PPA2: variants seen among roughly 807,000 people sequenced by gnomAD.
PPA2 encodes inorganic pyrophosphatase 2, mitochondrial.
PPA2 carries 48 observed loss-of-function variants against 49.5 expected under a neutral mutation model. That is an observed-to-expected ratio of 0.97 (90% confidence interval 0.77 to 1.23). The LOEUF is 1.23. Ranked by LOEUF, PPA2 falls within the 50% of genes most tolerant of loss-of-function variation. The pLI, the probability that PPA2 is intolerant of heterozygous loss-of-function variation, is 0.00. For synonymous variants in PPA2, 131 were observed against 139.9 expected (o/e 0.94, Z 0.45); for missense variants, 429 against 410.1 (o/e 1.05, Z -0.40).
intron 7 of PPA2, chr4:105,407,115 T>C (rs1006507454): frequency 7.3e-6 from 1 of 137,600 alleles, no homozygotes; most frequent in Non-Finnish European, 1.6e-5. Context: ...AAAAGAAAAT[T>C]CGCCACCAGC....
intron 1 of PPA2, among the ~76,000 whole-genome samples, chr4:105,468,077 TG>T (rs1723379314): frequency 6.6e-6 from 1 of 152,236 alleles, no homozygotes; most frequent in Non-Finnish European, 1.5e-5. Context: ...TCACATGGCC[TG>T]GTTTTATTTT....
At chr4:105,397,207 A>G (rs945138997) in intron 8 of PPA2, among the ~76,000 whole-genome samples, 1 of 152,208 alleles carries the variant, frequency 6.6e-6, no homozygotes, top group Non-Finnish European at 1.5e-5. Flanking sequence ...ATGATAATAA[A>G]GAAACTAAAG....
intron 1 of PPA2, among the ~76,000 whole-genome samples, chr4:105,472,820 A>T (rs992010055): frequency 3.9e-5 from 6 of 152,240 alleles, no homozygotes; most frequent in Non-Finnish European, 8.8e-5. Context: ...AATATCTATA[A>T]TGATTATCGG....
chr4:105,431,299 AT>A (rs910942791), intron 6 of PPA2, among the ~76,000 whole-genome samples: 110 of 152,262 alleles, frequency 7.2e-4, no homozygotes, highest in Admixed American at 1.4e-3. Context: ...GGCTAAAACT[AT>A]TTTTTTAAAT....
intron 7 of PPA2, among the ~76,000 whole-genome samples, chr4:105,420,736 A>T (rs1233399233): frequency 6.6e-6 from 1 of 152,206 alleles, no homozygotes; most frequent in African/African-American, 2.4e-5. Context: ...CAACAATGAA[A>T]AGGGAAAACT....
intron 1 of PPA2, among the ~76,000 whole-genome samples, chr4:105,457,017 A>G (rs144908705): frequency 9.1e-4 from 139 of 152,264 alleles, no homozygotes; most frequent in Non-Finnish European, 1.0e-3. Flanking sequence ...AATATCTACA[A>G]TAGACTAAAA....
intron 6 of PPA2, among the ~76,000 whole-genome samples, chr4:105,437,721 C>T (rs1377319817): frequency 6.6e-6 from 1 of 152,082 alleles, no homozygotes; most frequent in Non-Finnish European, 1.5e-5. Flanking sequence ...ATGGGCATAC[C>T]TGCGTTATTT....
chr4:105,397,382 T>C (rs1734191165), intron 8 of PPA2, among the ~76,000 whole-genome samples: 1 of 152,176 alleles, frequency 6.6e-6, no homozygotes, highest in South Asian at 2.1e-4. Flanking sequence ...TAATACATTA[T>C]CTGATTATGT....
At chr4:105,433,320 T>A (rs1723901727) in intron 6 of PPA2, among the ~76,000 whole-genome samples, 1 of 152,222 alleles carries the variant, frequency 6.6e-6, no homozygotes, top group Non-Finnish European at 1.5e-5. Flanking sequence ...AAACCTCTGA[T>A]TTCTTAACCT....
intron 10 of PPA2, among the ~76,000 whole-genome samples, chr4:105,374,386 CTG>C (rs1351702104): frequency 6.6e-6 from 1 of 152,212 alleles, no homozygotes; most frequent in African/African-American, 2.4e-5. Context: ...CATAGTGAGA[CTG>C]TGTCTTTTAT....
chr4:105,373,539 T>C (rs888473958), intron 10 of PPA2, among the ~76,000 whole-genome samples: 1 of 152,144 alleles, frequency 6.6e-6, no homozygotes, highest in African/African-American at 2.4e-5. Context: ...GCCAAACATT[T>C]CAGAGGAATA....
At chr4:105,452,492 G>A (rs1358492526) in intron 3 of PPA2, among the ~76,000 whole-genome samples, 4 of 152,234 alleles carry the variant, frequency 2.6e-5, no homozygotes, top group South Asian at 2.1e-4. Context: ...ATAGGAGATG[G>A]GGCACGGAAT....
intron 1 of PPA2, among the ~76,000 whole-genome samples, chr4:105,471,894 G>A (rs1404276964): frequency 6.6e-6 from 1 of 152,032 alleles, no homozygotes; most frequent in Non-Finnish European, 1.5e-5. Flanking sequence ...GTAAAATCGG[G>A]TTTTCTTCTT....
chr4:105,382,007 CT>C (rs148415907), intron 10 of PPA2, among the ~76,000 whole-genome samples: 3,089 of 152,042 alleles, frequency 0.02, 49 homozygotes, highest in Middle Eastern at 0.061. Context: ...CTATAATTTT[CT>C]TTAATTTCTG....
chr4:105,401,403 T>A (rs1017835082), intron 7 of PPA2, among the ~76,000 whole-genome samples: 1 of 152,130 alleles, frequency 6.6e-6, no homozygotes, highest in Non-Finnish European at 1.5e-5. Context: ...TTAAAAAATG[T>A]AAGTAAAGAT....
intron 7 of PPA2, among the ~76,000 whole-genome samples, chr4:105,400,887 A>G (rs986764309): frequency 2.6e-5 from 4 of 152,196 alleles, no homozygotes; most frequent in African/African-American, 9.6e-5. Context: ...AAAATTTTAT[A>G]ATGGAAATAA....
chr4:105,420,264 T>C (rs926524737), intron 7 of PPA2, among the ~76,000 whole-genome samples: 10 of 152,140 alleles, frequency 6.6e-5, no homozygotes, highest in Non-Finnish European at 1.2e-4. Context: ...ATAGGATGGA[T>C]ATAATTTTTA....
chr4:105,406,951 T>C (rs1465527175), intron 7 of PPA2: 1 of 151,964 alleles, frequency 6.6e-6, no homozygotes, highest in East Asian at 1.9e-4. Flanking sequence ...TCAAGCAAAA[T>C]TGTATTTCTA....
chr4:105,449,377 T>C lies in PPA2; in HGVS notation c.294A>G (p.Ile98Met), dbSNP rs1722569045. ...CCATTTTAGCATTTGTCCACCGAGGTATTTCTACAATCATATTAAACAGAT... is the reference window on the plus strand; with the variant it reads ...CCATTTTAGCATTTGTCCACCGAGGCATTTCTACAATCATATTAAACAGAT... ...YENLFNMIVE[I>M]PRWTNAKMEI... Residue 98 changes from isoleucine (I) to methionine (M), a missense_variant, in exon 4 of 12, where the codon ATA (isoleucine) becomes ATG (methionine). Transcript: ENST00000341695. 1.9e-6 allele frequency: 3 copies of C among 1,578,174 alleles called. No individual in the cohort carries two copies. Among genetic ancestry groups the C allele is most frequent in the East Asian group, 2.3e-5 (1 of 44,416 alleles).
Sources: allele counts gnomAD v4.1 joint callset (sites outside exome capture counted in the v4.1 genomes callset), GRCh38; gene constraint gnomAD v4.1.1; transcripts MANE v1.5; gene names NCBI Gene and HGNC (gene_info 2026-07-23, HGNC 2026-07-21).